Variants in DOCK3 observed in about 807,000 individuals in gnomAD.
DOCK3 encodes dedicator of cytokinesis 3.
A neutral mutation model predicts 265.6 loss-of-function variants in DOCK3; 60 were observed. That is an observed-to-expected ratio of 0.23 (90% CI 0.18 to 0.28). The LOEUF is 0.28. Ranked by LOEUF, DOCK3 falls within the 10% of genes least tolerant of loss-of-function variation. The probability of loss-of-function intolerance (pLI) is 1.00; values close to 1 mark genes in which losing one functional copy is unlikely to be tolerated. For missense variants in DOCK3, 1,981 were observed against 2,594.3 expected, an observed-to-expected ratio of 0.76 and a Z score of 5.14; for synonymous variants, 881 against 938.0, an observed-to-expected ratio of 0.94 and a Z score of 1.11.
intron 10 of DOCK3, among the ~76,000 whole-genome samples, chr3:51,153,794 C>T (rs1467637475): frequency 6.6e-6 from 1 of 152,184 alleles, no homozygotes; most frequent in South Asian, 2.1e-4. Context: ...CATGTGTGTT[C>T]TTCAAGTTTA....
At chr3:51,360,045 CTG>C (rs1317110334) in intron 46 of DOCK3, among the ~76,000 whole-genome samples, 2 of 152,198 alleles carry the variant, frequency 1.3e-5, no homozygotes, top group East Asian at 3.8e-4. Flanking sequence ...TCCCCGTAGA[CTG>C]TGTCACAGAC....
At chr3:51,281,497 T>G (rs1370459584) in intron 27 of DOCK3, among the ~76,000 whole-genome samples, 2 of 152,074 alleles carry the variant, frequency 1.3e-5, no homozygotes, top group Non-Finnish European at 2.9e-5. Context: ...CTGGTGAGGA[T>G]TTCCCACTCT....
chr3:51,356,967 G>A lies in DOCK3; in HGVS notation c.4509G>A (p.Glu1503=), dbSNP rs764527286. ...WFEVERRELV[E]VSPLENAIQV... is the part of the protein sequence containing the mutation. Reference sequence around the variant, plus strand: ...TGTGTGCTGTGTGCCCCTAGGTGGAGGTGAGCCCTCTGGAGAATGCCATCC... The same window carrying A: ...TGTGTGCTGTGTGCCCCTAGGTGGAAGTGAGCCCTCTGGAGAATGCCATCC... Residue 1503 remains glutamate, a synonymous_variant, in exon 44 of 53, where the codon GAG becomes GAA. Transcript: ENST00000266037. 4.0e-5 allele frequency: 64 copies of A among 1,612,014 alleles called. No individual in the cohort carries two copies. Among genetic ancestry groups the A allele is most frequent in the Non-Finnish European group, 5.3e-5 (63 of 1,179,192 alleles).
chr3:50,693,134 G>T (rs2035361802), intron 1 of DOCK3, among the ~76,000 whole-genome samples: 1 of 152,122 alleles, frequency 6.6e-6, no homozygotes, highest in South Asian at 2.1e-4. Context: ...CTGTAGGTTT[G>T]TACTAAGTTT....
In DOCK3 at chr3:51,208,863, G is replaced by A. The variant is rs573364127; in HGVS notation, c.1126+1G>A. 1 of 1,608,596 alleles carries A rather than the reference G, an allele frequency of 6.2e-7. No individual in the cohort carries two copies. The highest frequency in any genetic ancestry group is 8.5e-7 in the Non-Finnish European group (1 of 1,177,638). ...TACTCTGCCCCCAGCGCCAGCCATGGTGAGATACTTCTCTGACTAGAACAT... is the reference window on the plus strand; with the variant it reads ...TACTCTGCCCCCAGCGCCAGCCATGATGAGATACTTCTCTGACTAGAACAT... On this transcript the variant is annotated splice_donor_variant, in intron 13 of 52. Coordinates refer to ENST00000266037, the MANE Select transcript of DOCK3 (RefSeq NM_004947.5). LOFTEE classifies it high-confidence loss of function.
chr3:50,923,035 A>T (rs915500867), intron 4 of DOCK3, among the ~76,000 whole-genome samples: 1 of 152,060 alleles, frequency 6.6e-6, no homozygotes, highest in African/African-American at 2.4e-5. Context: ...TCCATTTCTG[A>T]GTTACTTCAC....
chr3:51,251,858 C>T (rs150951932), intron 22 of DOCK3, among the ~76,000 whole-genome samples: 138,863 of 152,262 alleles, frequency 0.91, 63,469 homozygotes, highest in African/African-American at 0.96. Context: ...AGAAGCTCTT[C>T]AGTTTAATTA....
At chr3:51,184,327 AAAAG>A (rs1163458633) in intron 12 of DOCK3, among the ~76,000 whole-genome samples, 1 of 151,494 alleles carries the variant, frequency 6.6e-6, no homozygotes, top group African/African-American at 2.4e-5. Context: ...AAAAAAAAAA[AAAAG>A]AAAGAAAAAA....
intron 12 of DOCK3, among the ~76,000 whole-genome samples, chr3:51,180,920 T>G (rs1221770355): frequency 6.6e-6 from 1 of 152,102 alleles, no homozygotes; most frequent in Non-Finnish European, 1.5e-5. Context: ...CATAGGTCGT[T>G]CTAGATGCAC....
chr3:50,740,216 C>T (rs1258494324), intron 1 of DOCK3, among the ~76,000 whole-genome samples: 1 of 151,988 alleles, frequency 6.6e-6, no homozygotes. Context: ...TTTATTTTTA[C>T]AGAATAGTAT....
intron 1 of DOCK3, among the ~76,000 whole-genome samples, chr3:50,725,899 G>C (rs1305631862): frequency 1.3e-5 from 2 of 152,070 alleles, no homozygotes; most frequent in Admixed American, 1.3e-4. Flanking sequence ...TCATCCCTTG[G>C]TATCTCTTGG....
chr3:51,336,191 A>G (rs529549921), intron 35 of DOCK3, among the ~76,000 whole-genome samples: 48 of 152,334 alleles, frequency 3.2e-4, no homozygotes, highest in African/African-American at 1.2e-3. Flanking sequence ...GCAAAACTTT[A>G]GGTACTCAGA....
At chr3:51,023,443 A>G (rs1048678927) in intron 5 of DOCK3, among the ~76,000 whole-genome samples, 1 of 152,006 alleles carries the variant, frequency 6.6e-6, no homozygotes, top group Non-Finnish European at 1.5e-5. Flanking sequence ...TTTGAGACAG[A>G]GTCTCGCTCT....
intron 3 of DOCK3, among the ~76,000 whole-genome samples, chr3:50,888,469 C>T (rs2048458754): frequency 6.6e-6 from 1 of 151,138 alleles, no homozygotes; most frequent in Non-Finnish European, 1.5e-5. Flanking sequence ...CCATCCTCAT[C>T]AAGCTACCAA....
intron 1 of DOCK3, among the ~76,000 whole-genome samples, chr3:50,732,394 A>T (rs568899468): frequency 4.6e-5 from 7 of 152,126 alleles, no homozygotes; most frequent in African/African-American, 1.7e-4. Flanking sequence ...CACATCCTGC[A>T]CATGTACCCC....
chr3:51,349,814 AG>A (rs2085854092), intron 39 of DOCK3, among the ~76,000 whole-genome samples: 1 of 152,234 alleles, frequency 6.6e-6, no homozygotes, highest in Admixed American at 6.5e-5. Context: ...TAGCATCTTT[AG>A]TCAGATGATA....
intron 49 of DOCK3, among the ~76,000 whole-genome samples, chr3:51,369,306 GA>G (rs1317149397): frequency 6.6e-6 from 1 of 152,202 alleles, no homozygotes; most frequent in African/African-American, 2.4e-5. Flanking sequence ...AAAAAGAGTA[GA>G]TGAATGGCTA....
intron 2 of DOCK3, among the ~76,000 whole-genome samples, chr3:50,831,876 T>A (rs1248939519): frequency 1.3e-5 from 2 of 152,196 alleles, no homozygotes; most frequent in Non-Finnish European, 2.9e-5. Context: ...TTTCTCCACA[T>A]CCTCTCTAGC....
intron 1 of DOCK3, among the ~76,000 whole-genome samples, chr3:50,739,952 C>T (rs1559575470): frequency 1.3e-5 from 2 of 152,086 alleles, no homozygotes; most frequent in African/African-American, 2.4e-5. Context: ...GAATTCATCA[C>T]TGTAATCACT....
Sources: gnomAD v4.1 joint callset for allele counts (sites outside exome capture counted in the v4.1 genomes callset) on GRCh38, gnomAD v4.1.1 for gene constraint, MANE v1.5 for transcripts, NCBI Gene and HGNC (gene_info 2026-07-23, HGNC 2026-07-21) for gene names.